The following PBX3 variants were observed in gnomAD, a reference collection of about 807,000 sequenced individuals.
The protein encoded by PBX3 is PBX homeobox 3.
PBX3 carries 14 observed loss-of-function variants against 48.5 expected under a neutral mutation model. That is an observed-to-expected ratio of 0.29 (90% CI 0.19 to 0.45). PBX3 has a LOEUF of 0.45. Among genes scored for constraint, PBX3 ranks in the 20% least tolerant of loss-of-function variants. The pLI is 1.00. For synonymous variants in PBX3, 210 were observed against 200.3 expected (o/e 1.05, Z -0.41); for missense variants, 386 against 546.7 (o/e 0.71, Z 2.93).
At chr9:125,854,395 GA>G (rs1201480089) in intron 2 of PBX3, among the ~76,000 whole-genome samples, 1 of 151,806 alleles carries the variant, frequency 6.6e-6, no homozygotes, top group African/African-American at 2.4e-5. Flanking sequence ...TCTGCCTCTC[GA>G]ATTGCTGGGA....
At chr9:125,808,072 A>G (rs111825376) in intron 2 of PBX3, among the ~76,000 whole-genome samples, 3,917 of 152,298 alleles carry the variant, frequency 0.026, 65 homozygotes, top group Middle Eastern at 0.051. Flanking sequence ...ATAGGGATAA[A>G]GTCTACTTTC....
chr9:125,858,622 AT>A lies in PBX3; in HGVS notation c.275-57045del, dbSNP rs36077474. 3.6e-3 allele frequency among the ~76,000 whole-genome samples: 427 copies of A among 117,786 alleles called. 1 individual carries two copies. Among genetic ancestry groups the A allele is most frequent in the East Asian group, 0.015 (59 of 4,032 alleles). 77.3% of individuals were successfully genotyped at this position (117,786 alleles called of 152,430 possible). On this transcript the variant is annotated intron_variant, in intron 2 of 8. Coordinates refer to ENST00000373489, the MANE Select transcript of PBX3 (RefSeq NM_006195.6). ...CCCTACTTTTGAAAGACTTTGGTCCATTTTTTTTTTTTTTTTTTTCAAGATG... is the reference window on the plus strand; with the variant it reads ...CCCTACTTTTGAAAGACTTTGGTCCATTTTTTTTTTTTTTTTTTCAAGATG...
At chr9:125,888,430 G>A (rs1205606602) in intron 2 of PBX3, among the ~76,000 whole-genome samples, 1 of 152,154 alleles carries the variant, frequency 6.6e-6, no homozygotes, top group Non-Finnish European at 1.5e-5. Context: ...TTGTATGGAG[G>A]AATTCCTTGA....
intron 2 of PBX3, among the ~76,000 whole-genome samples, chr9:125,913,683 A>G (rs1289783779): frequency 6.6e-6 from 1 of 152,174 alleles, no homozygotes; most frequent in Non-Finnish European, 1.5e-5. Flanking sequence ...AAAGTACTTC[A>G]CCACATGTCC....
chr9:125,759,123 A>T lies in PBX3; in HGVS notation c.274+10500A>T, dbSNP rs939976259. On this transcript the variant is annotated intron_variant, in intron 2 of 8. Transcript: ENST00000373489. This position sits in a 1 kb window ranked among gnomAD's most constrained non-coding sequence, Gnocchi z 4.2. The stretch of plus-strand genomic sequence containing the variant: ...GATGGCAAAACCTGAGCTTAAAAAA[A>T]TGTGGTCAGGTCCAGAGTGACACTG... Among the ~76,000 whole-genome samples the T allele has an allele frequency of 6.6e-6, 1 of 152,190 alleles. No individual in the cohort carries two copies. The highest frequency in any genetic ancestry group is 1.5e-5 in the Non-Finnish European group (1 of 68,030).
intron 2 of PBX3, among the ~76,000 whole-genome samples, chr9:125,812,513 T>C (rs1316116254): frequency 6.6e-6 from 1 of 152,250 alleles, no homozygotes; most frequent in Non-Finnish European, 1.5e-5. Context: ...TTAATTGATA[T>C]CAGCATGCGT....
chr9:125,814,224 A>G (rs1194490604), intron 2 of PBX3, among the ~76,000 whole-genome samples: 2 of 146,720 alleles, frequency 1.4e-5, no homozygotes, highest in Non-Finnish European at 3.0e-5. Flanking sequence ...CCCTTCAAAG[A>G]TGGGTACTTT....
At chr9:125,810,236 C>G (rs1219909155) in intron 2 of PBX3, among the ~76,000 whole-genome samples, 1 of 152,144 alleles carries the variant, frequency 6.6e-6, no homozygotes, top group Admixed American at 6.5e-5. Flanking sequence ...AGCAAGCACT[C>G]TGTTCTAACT....
intron 2 of PBX3, among the ~76,000 whole-genome samples, chr9:125,876,700 C>CT (rs957822148): frequency 2.6e-4 from 40 of 152,022 alleles, no homozygotes; most frequent in Non-Finnish European, 1.9e-4. Context: ...AGATTTTCAA[C>CT]TGTGTAGGGG....
intron 2 of PBX3, chr9:125,749,677 C>G (rs1836316724): frequency 6.6e-6 from 1 of 151,188 alleles, no homozygotes; most frequent in Admixed American, 6.6e-5. Flanking sequence ...CCAAGGGAGG[C>G]TATTTAGAAG....
chr9:125,945,949 C>A (rs1347342833), intron 5 of PBX3, among the ~76,000 whole-genome samples: 1 of 152,164 alleles, frequency 6.6e-6, no homozygotes, highest in African/African-American at 2.4e-5. Context: ...CGACATTTCC[C>A]TGATTCCATT....
chr9:125,775,404 T>G (rs1352239764), intron 2 of PBX3, among the ~76,000 whole-genome samples: 2 of 152,256 alleles, frequency 1.3e-5, no homozygotes, highest in Non-Finnish European at 1.5e-5. Context: ...GTTAATCCAT[T>G]TGAGTTAATT....
Position 125,841,068 on chromosome 9 carries a change from A to T in PBX3, c.275-74618A>T, listed in dbSNP as rs544439413. 6.4e-4 allele frequency among the ~76,000 whole-genome samples: 98 copies of T among 152,276 alleles called. No homozygotes were observed. In the South Asian group the frequency reaches 6.8e-3, roughly 11 times the overall value. Reference sequence around the variant, plus strand: ...CACTAGGGCTAACCATGCGCTAGGGACTATGAATAGCCTCTTTGCATGGAA... The same window carrying T: ...CACTAGGGCTAACCATGCGCTAGGGTCTATGAATAGCCTCTTTGCATGGAA... On this transcript the variant is annotated intron_variant, in intron 2 of 8. Transcript: ENST00000373489.
chr9:125,964,308 A>G (rs1295276990), intron 8 of PBX3, among the ~76,000 whole-genome samples: 1 of 152,240 alleles, frequency 6.6e-6, no homozygotes, highest in Non-Finnish European at 1.5e-5. Flanking sequence ...TTTGGATAAA[A>G]GAGGAATGAT....
At chr9:125,869,157 A>C (rs1840057558) in intron 2 of PBX3, among the ~76,000 whole-genome samples, 1 of 152,234 alleles carries the variant, frequency 6.6e-6, no homozygotes. Flanking sequence ...AGATGTAAAA[A>C]GCAAAGAAAA....
chr9:125,803,941 T>C (rs1838043227), intron 2 of PBX3, among the ~76,000 whole-genome samples: 2 of 152,134 alleles, frequency 1.3e-5, no homozygotes, highest in African/African-American at 2.4e-5. Context: ...GTGTAGACTC[T>C]ACATGTCGTA....
At chr9:125,871,961 G>T (rs536617026) in intron 2 of PBX3, among the ~76,000 whole-genome samples, 1 of 152,262 alleles carries the variant, frequency 6.6e-6, no homozygotes, top group Admixed American at 6.5e-5. Context: ...CTATGTATGT[G>T]TGTAAAAATG....
chr9:125,890,811 A>G (rs1207308458), intron 2 of PBX3, among the ~76,000 whole-genome samples: 1 of 152,254 alleles, frequency 6.6e-6, no homozygotes, highest in Admixed American at 6.5e-5. Flanking sequence ...GAGATTTGAA[A>G]AGATTAAAAA....
intron 2 of PBX3, among the ~76,000 whole-genome samples, chr9:125,833,387 G>A (rs1839022906): frequency 6.6e-6 from 1 of 152,054 alleles, no homozygotes; most frequent in Admixed American, 6.5e-5. Flanking sequence ...GGGAGGCTGA[G>A]GCAGGAGGAT....
Sources: gnomAD v4.1 joint callset for allele counts (sites outside exome capture counted in the v4.1 genomes callset) on GRCh38, gnomAD v4.1.1 for gene constraint, Gnocchi (gnomAD v3.1) non-coding constraint, MANE v1.5 for transcripts, NCBI Gene and HGNC (gene_info 2026-07-23, HGNC 2026-07-21) for gene names.